Variants in PLEKHA8 observed in about 807,000 individuals in gnomAD.
The protein encoded by PLEKHA8 is pleckstrin homology domain-containing family A member 8.
PLEKHA8 carries 36 observed loss-of-function variants against 68.2 expected under a neutral mutation model. The ratio of observed to expected loss-of-function variants is 0.53; its 90% CI spans 0.40 to 0.70. PLEKHA8 has a LOEUF of 0.70. Ranked by LOEUF, PLEKHA8 falls within the 30% of genes least tolerant of loss-of-function variation. The probability of loss-of-function intolerance (pLI) is 0.00; values close to 1 mark genes in which losing one functional copy is unlikely to be tolerated. For missense variants in PLEKHA8, 505 were observed against 615.4 expected (o/e 0.82, Z 1.90); for synonymous variants, 211 against 216.1 (o/e 0.98, Z 0.20).
At chr7:30,122,027 T>C (rs1232287952) in intron 13 of PLEKHA8, among the ~76,000 whole-genome samples, 2 of 152,218 alleles carry the variant, frequency 1.3e-5, no homozygotes, top group African/African-American at 4.8e-5. Flanking sequence ...GCCTAGATTT[T>C]TATATGTGTA....
At chr7:30,045,278 C>T (rs992150162) in intron 2 of PLEKHA8, 77 bp downstream of exon 2, 2 of 1,047,936 alleles carry the variant, frequency 1.9e-6, no homozygotes, top group Non-Finnish European at 2.9e-6. Context: ...CTGGCCCCTG[C>T]ATACCTTTCT....
chr7:30,078,588 A>C lies in PLEKHA8; in HGVS notation c.1363-2A>C. 2 of 1,613,604 alleles carry C rather than the reference A, an allele frequency of 1.2e-6. No homozygotes were observed. Among genetic ancestry groups the C allele is most frequent in the Non-Finnish European group, 1.7e-6 (2 of 1,179,714 alleles). On this transcript the variant is annotated splice_acceptor_variant, in intron 13 of 13. Coordinates refer to ENST00000449726, the MANE Select transcript of PLEKHA8 (RefSeq NM_001197026.2). LOFTEE classifies it high-confidence loss of function. ...AGATTCTCATGGGTTATTCTTTTGC[A>C]GTTAGCTTTAAGGGCAGCTCCATCC...
At chr7:30,039,879 T>C (rs996865655) in intron 1 of PLEKHA8, among the ~76,000 whole-genome samples, 2 of 152,240 alleles carry the variant, frequency 1.3e-5, no homozygotes, top group Admixed American at 6.5e-5. Flanking sequence ...ATTTCACTTA[T>C]TGACTAATTG....
intron 13 of PLEKHA8, among the ~76,000 whole-genome samples, chr7:30,121,965 T>G (rs1352806023): frequency 6.6e-6 from 1 of 152,206 alleles, no homozygotes; most frequent in African/African-American, 2.4e-5. Context: ...AAAGAACTTT[T>G]GAAGAGGGCT....
chr7:30,115,843 CACGT>C (rs1562558044), intron 13 of PLEKHA8: 19 of 149,322 alleles, frequency 1.3e-4, no homozygotes, highest in South Asian at 4.2e-4. Flanking sequence ...TACATGTATA[CACGT>C]ATGCATACAT....
intron 13 of PLEKHA8, among the ~76,000 whole-genome samples, chr7:30,101,183 A>AG (rs1310707561): frequency 6.6e-6 from 1 of 151,842 alleles, no homozygotes; most frequent in Non-Finnish European, 1.5e-5. Flanking sequence ...CTTGGGGGAA[A>AG]AAAAAAAAAG....
intron 7 of PLEKHA8, among the ~76,000 whole-genome samples, chr7:30,054,154 A>G (rs139240187): frequency 1.1e-3 from 169 of 152,314 alleles, no homozygotes; most frequent in Admixed American, 0.011. Flanking sequence ...AAGTAAGGAC[A>G]TTTGTCTATA....
chr7:30,099,487 A>T (rs1360707576), intron 13 of PLEKHA8, among the ~76,000 whole-genome samples: 1 of 152,222 alleles, frequency 6.6e-6, no homozygotes, highest in East Asian at 1.9e-4. Flanking sequence ...CGAGGCACAA[A>T]GTCTCCCTTG....
chr7:30,098,863 G>A (rs1391521773), intron 13 of PLEKHA8, among the ~76,000 whole-genome samples: 2 of 152,188 alleles, frequency 1.3e-5, no homozygotes, highest in African/African-American at 4.8e-5. Flanking sequence ...AGATAAACCC[G>A]GTACCTCAGT....
chr7:30,065,357 G>A lies in PLEKHA8; in HGVS notation c.1300+2615G>A, dbSNP rs888472523. 3.3e-5 allele frequency among the ~76,000 whole-genome samples: 5 copies of A among 152,264 alleles called. No homozygotes were observed. In the East Asian group the frequency reaches 9.7e-4, roughly 29 times the overall value. ...ATCCCTAGTTTCTTGCTGCTGCTTA[G>A]TATGAGGAGATAAAGTTCCCCTATT... On this transcript the variant is annotated intron_variant, in intron 12 of 13. Coordinates refer to ENST00000449726, the MANE Select transcript of PLEKHA8 (RefSeq NM_001197026.2).
At position 30,084,132 on chromosome 7, in the gene PLEKHA8, C is replaced by G. The variant is rs2128001784; in HGVS notation, c.*5345C>G. 2 of 985,128 alleles carry G rather than the reference C, an allele frequency of 2.0e-6. No homozygotes were observed. The highest frequency in any genetic ancestry group is 4.7e-5 in the South Asian group (1 of 21,276). 61.0% of individuals were successfully genotyped at this position (985,128 alleles called of 1,614,324 possible). A position where few individuals can be genotyped will look rare whatever the true frequency, so the allele number is the denominator to read the frequency against. On this transcript the variant is annotated 3_prime_UTR_variant, in exon 14 of 14. Transcript: ENST00000449726. The stretch of plus-strand genomic sequence containing the variant: ...AGAAATGTGTTCAGATAAATTTAAT[C>G]TGGTTAATAGACTTAACAAATTAAT...
At position 30,084,563 on chromosome 7, in the gene PLEKHA8, G is replaced by A. The variant is rs560805259; in HGVS notation, c.*5776G>A. The A allele has an allele frequency of 1.0e-6, 1 of 984,954 alleles. No individual in the cohort carries two copies. Among genetic ancestry groups the A allele is most frequent in the South Asian group, 4.7e-5 (1 of 21,272 alleles). The allele number at this position is 984,954 out of a possible 1,614,324, so 61.0% of individuals were successfully genotyped here. The stretch of plus-strand genomic sequence containing the variant: ...TCTATCTTGTGGGGAGGGGTGACAG[G>A]GGAGGGTTTTACTTTTTTTGCAAAA... On this transcript the variant is annotated 3_prime_UTR_variant, in exon 14 of 14. Coordinates refer to ENST00000449726, the MANE Select transcript of PLEKHA8 (RefSeq NM_001197026.2).
At position 30,054,859 on chromosome 7, in the gene PLEKHA8, A is replaced by G; in HGVS notation, c.947A>G (p.Asn316Ser). 2.5e-6 allele frequency: 4 copies of G among 1,603,748 alleles called. No homozygotes were observed. The highest frequency in any genetic ancestry group is 1.7e-4 in the Middle Eastern group (1 of 6,018). Residue 316 changes from asparagine to serine, a missense_variant, in exon 8 of 14, where the codon AAC (asparagine) becomes AGC (serine). By Grantham distance (46) the Asn-to-Ser change is conservative (BLOSUM62 1). Coordinates refer to ENST00000449726, the MANE Select transcript of PLEKHA8 (RefSeq NM_001197026.2). ...EVIPTFFSTM[N>S]TSFSDIELLE... is the part of the protein sequence containing the mutation. Reference sequence around the variant, plus strand: ...ATCCCAACTTTCTTTAGTACCATGAACACAAGGTATTCTAGACTCTTTAAT... The same window carrying G: ...ATCCCAACTTTCTTTAGTACCATGAGCACAAGGTATTCTAGACTCTTTAAT...
At chr7:30,049,114 C>T in intron 4 of PLEKHA8, 110 bp from the exon 5 acceptor site, 2 of 1,250,602 alleles carry the variant, frequency 1.6e-6, no homozygotes, top group South Asian at 1.3e-5. Context: ...CATATTTCAG[C>T]AGGTGGGTAC....
chr7:30,093,346 C>T (rs1422243973), downstream of PLEKHA8, among the ~76,000 whole-genome samples: 3 of 152,148 alleles, frequency 2.0e-5, no homozygotes, highest in African/African-American at 7.2e-5. Context: ...ATTATTAACC[C>T]CATTTATAGG....
At chr7:30,037,405 C>T (rs1435108613) in intron 1 of PLEKHA8, among the ~76,000 whole-genome samples, 1 of 152,112 alleles carries the variant, frequency 6.6e-6, no homozygotes, top group East Asian at 1.9e-4. Flanking sequence ...CTGGCCTCAA[C>T]TGATCCTTCT....
chr7:30,053,594 CTT>C (rs2127979937), intron 7 of PLEKHA8, among the ~76,000 whole-genome samples: 1 of 152,224 alleles, frequency 6.6e-6, no homozygotes, highest in Admixed American at 6.5e-5. Context: ...AGCCTTATCT[CTT>C]GGGTAAATAA....
At position 30,079,924 on chromosome 7, in the gene PLEKHA8, G is replaced by A; in HGVS notation, c.*1137G>A. Reference sequence around the variant, plus strand: ...TTTTTTTTTTTTTCAAAGAGGATAAGGCTGCTATTTAAATAAAATAGCTAA... The same window carrying A: ...TTTTTTTTTTTTTCAAAGAGGATAAAGCTGCTATTTAAATAAAATAGCTAA... On this transcript the variant is annotated 3_prime_UTR_variant, in exon 14 of 14. Transcript: ENST00000449726. 1.0e-6 allele frequency: 1 copy of A among 981,418 alleles called. No homozygotes were observed. The allele number at this position is 981,418 out of a possible 1,614,324, so 60.8% of individuals were successfully genotyped here. A position where few individuals can be genotyped will look rare whatever the true frequency, so the allele number is the denominator to read the frequency against.
At chr7:30,062,868 CATT>C (rs1352700401) in intron 12 of PLEKHA8, 126 bp downstream of exon 12, 1 of 648,990 alleles carries the variant, frequency 1.5e-6, no homozygotes, top group Non-Finnish European at 2.6e-6. Flanking sequence ...TTTCTTATTT[CATT>C]ATTATTCATT....
Sources: gnomAD v4.1 joint callset for allele counts (sites outside exome capture counted in the v4.1 genomes callset) on GRCh38, gnomAD v4.1.1 for gene constraint, MANE v1.5 for transcripts, NCBI Gene and HGNC (gene_info 2026-07-23, HGNC 2026-07-21) for gene names.